NAA16: variants seen among roughly 807,000 people sequenced by gnomAD.
NAA16 encodes the protein NARG1-like protein.
A neutral mutation model predicts 110.3 loss-of-function variants in NAA16; 97 were observed. That is an observed-to-expected ratio of 0.88 (90% CI 0.75 to 1.04). NAA16 has a LOEUF of 1.04. NAA16 is among the 50% of genes least tolerant of loss of function. The probability of loss-of-function intolerance (pLI) is 0.00; values close to 1 mark genes in which losing one functional copy is unlikely to be tolerated. For missense variants in NAA16, 1,017 were observed against 1,005.1 expected (o/e 1.01, Z -0.16); for synonymous variants, 372 against 330.6 (o/e 1.13, Z -1.36).
rs557866793 is a variant in NAA16 at position 41,342,177 on chromosome 13, G to T, written c.1014+5421G>T. Among the ~76,000 whole-genome samples the T allele has an allele frequency of 1.0e-4, 15 of 148,828 alleles. No homozygotes were observed. In the East Asian group the frequency reaches 2.6e-3, roughly 26 times the overall value. The stretch of plus-strand genomic sequence containing the variant: ...TTTTGAGACAGAGTCTTGCTCTGCC[G>T]CCCAGGCTGGAGTGCAGTGGCACGC... On this transcript the variant is annotated intron_variant, in intron 9 of 19. Transcript: ENST00000379406.
At chr13:41,374,718 T>G in intron 18 of NAA16, 24 bp from the exon 19 acceptor site, 1 of 1,496,694 alleles carries the variant, frequency 6.7e-7, no homozygotes, top group East Asian at 2.3e-5. Flanking sequence ...TGTTTATTCA[T>G]TTTGAAATGC....
At chr13:41,353,234 T>C (rs778974989) in intron 9 of NAA16, among the ~76,000 whole-genome samples, 2 of 152,128 alleles carry the variant, frequency 1.3e-5, no homozygotes, top group Non-Finnish European at 2.9e-5. Flanking sequence ...CGCAAGTTCC[T>C]GAAAAAAAAT....
intron 1 of NAA16, among the ~76,000 whole-genome samples, chr13:41,312,789 A>G (rs1266307210): frequency 6.6e-6 from 1 of 152,132 alleles, no homozygotes; most frequent in Non-Finnish European, 1.5e-5. Context: ...TAGATGGGAT[A>G]AAAATTTTAA....
intron 8 of NAA16, 61 bp downstream of exon 8, chr13:41,331,430 T>C (rs1566257416): frequency 1.1e-5 from 14 of 1,233,888 alleles, no homozygotes; most frequent in Non-Finnish European, 1.6e-5. Flanking sequence ...ATGTTATTTA[T>C]ATTTTAGAAA....
intron 12 of NAA16, among the ~76,000 whole-genome samples, chr13:41,359,960 G>A (rs1259834313): frequency 6.6e-6 from 1 of 152,082 alleles, no homozygotes. Context: ...AAGCATAAAA[G>A]AAAAACTGAG....
chr13:41,362,896 G>T, intron 13 of NAA16: 1 of 1,177,444 alleles, frequency 8.5e-7, no homozygotes, highest in Non-Finnish European at 1.1e-6. Flanking sequence ...TCTGCACCGT[G>T]GCAGTCACTT....
At chr13:41,369,491 G>C (rs1289628302) in intron 15 of NAA16, among the ~76,000 whole-genome samples, 1 of 152,196 alleles carries the variant, frequency 6.6e-6, no homozygotes, top group Non-Finnish European at 1.5e-5. Flanking sequence ...GGTAGGCAGA[G>C]TAATGGCCCT....
intron 9 of NAA16, among the ~76,000 whole-genome samples, chr13:41,343,407 G>A (rs1390184326): frequency 2.0e-5 from 3 of 152,124 alleles, no homozygotes; most frequent in African/African-American, 7.2e-5. Flanking sequence ...CATTTTAAAT[G>A]TAATTCCTTT....
At chr13:41,343,511 A>T (rs116609959) in intron 9 of NAA16, among the ~76,000 whole-genome samples, 2,032 of 151,678 alleles carry the variant, frequency 0.013, 40 homozygotes, top group African/African-American at 0.046. Context: ...TCCCCCTAGC[A>T]GTTTCTTTTT....
At chr13:41,315,187 A>G (rs2041775667) in intron 1 of NAA16, among the ~76,000 whole-genome samples, 1 of 152,214 alleles carries the variant, frequency 6.6e-6, no homozygotes, top group Admixed American at 6.5e-5. Flanking sequence ...GTGGGCAAGT[A>G]GGGGACATGT....
At chr13:41,324,629 C>T (rs533189901) in intron 5 of NAA16, among the ~76,000 whole-genome samples, 1 of 151,402 alleles carries the variant, frequency 6.6e-6, no homozygotes, top group East Asian at 1.9e-4. Context: ...GTGCCTCTGC[C>T]TCCCAAAGTG....
chr13:41,316,858 C>T lies in NAA16; in HGVS notation c.67C>T (p.Gln23Ter). ...TATTTCTTTACAGAAATGTTATGAA[C>T]AGAAGCAGTACAAAAATGGCCTCAA... ...LFKRILKCYE[Q>*]KQYKNGLKFC... The change falls in exon 2 of 20, where the codon CAG (glutamine) becomes TAG (stop). Residue 23 changes from glutamine (Q) to a stop codon, truncating the protein, a stop_gained. Coordinates refer to ENST00000379406, the MANE Select transcript of NAA16 (RefSeq NM_024561.5). LOFTEE classifies it high-confidence loss of function. The T allele has an allele frequency of 1.2e-6, 2 of 1,611,816 alleles. No homozygotes were observed. The highest frequency in any genetic ancestry group is 1.7e-6 in the Non-Finnish European group (2 of 1,178,150).
chr13:41,355,194 G>A lies in NAA16; in HGVS notation c.1065G>A (p.Thr355=), dbSNP rs772419749. ...LVTNYEASLK[T]CDFFSPYENG... ...CTAATTATGAAGCCTCTCTTAAAAC[G>A]TGTGACTTTTTTAGCCCATATGGTA... The change falls in exon 10 of 20, where the codon ACG becomes ACA. Residue 355 remains threonine, a synonymous_variant. Transcript: ENST00000379406. The A allele has an allele frequency of 2.1e-5, 33 of 1,587,344 alleles. No individual in the cohort carries two copies. Among genetic ancestry groups the A allele is most frequent in the Middle Eastern group, 3.3e-4 (2 of 6,004 alleles).
chr13:41,369,086 A>G lies in NAA16; in HGVS notation c.1754-4A>G. On this transcript the variant is annotated splice_polypyrimidine_tract_variant and splice_region_variant and intron_variant, in intron 14 of 19. Coordinates refer to ENST00000379406, the MANE Select transcript of NAA16 (RefSeq NM_024561.5). ...CAGAATTTTGTTCATTTGGATATTT[A>G]TAGAAAACTTGTCAGCCAAAGAATT... The G allele has an allele frequency of 1.9e-6, 3 of 1,557,476 alleles. No individual in the cohort carries two copies. The highest frequency in any genetic ancestry group is 1.7e-6 in the Non-Finnish European group (2 of 1,161,732).
In NAA16 at chr13:41,315,898, CAGTT is replaced by C. The variant is rs1271813301; in HGVS notation, c.55-945_55-942del. ...GATCCTCCCACCTCAGCCTCCCAAG[CAGTT>C]AGGACCACAGATGTGCACCACCACG... On this transcript the variant is annotated intron_variant, in intron 1 of 19. Transcript: ENST00000379406. Among the ~76,000 whole-genome samples, 3 of 151,814 alleles carry C rather than the reference CAGTT, an allele frequency of 2.0e-5. No individual in the cohort carries two copies. The East Asian group carries it at 5.8e-4, about 29-fold the overall frequency.
chr13:41,334,930 A>G (rs969403284), intron 8 of NAA16, among the ~76,000 whole-genome samples: 2 of 152,140 alleles, frequency 1.3e-5, no homozygotes, highest in African/African-American at 2.4e-5. Context: ...GCTTTTTGCA[A>G]AAGTGCAGTA....
In NAA16 at chr13:41,369,152, G is replaced by C. The variant is rs2043266056; in HGVS notation, c.1816G>C (p.Ala606Pro). 17 of 1,593,784 alleles carry C rather than the reference G, an allele frequency of 1.1e-5. 1 individual carries two copies. The highest frequency in any genetic ancestry group is 8.5e-6 in the Non-Finnish European group (10 of 1,174,270). ...CAAGCAGAGAAGAGCTCAGAAAAAG[G>C]CTAAACTAGAAGAAGAAAGAAAGCA... ...LSKQRRAQKK[A>P]KLEEERKHAE... The change falls in exon 15 of 20, where the codon GCT (alanine) becomes CCT (proline). Residue 606 changes from alanine (A) to proline (P), a missense_variant. Ala to Pro is a conservative substitution (Grantham distance 27, BLOSUM62 -1). Coordinates refer to ENST00000379406, the MANE Select transcript of NAA16 (RefSeq NM_024561.5).
At chr13:41,360,233 A>G (rs2043084868) in intron 12 of NAA16, among the ~76,000 whole-genome samples, 1 of 152,174 alleles carries the variant, frequency 6.6e-6, no homozygotes. Context: ...AATGCTCCAA[A>G]ACTTGAAACT....
chr13:41,345,238 A>C (rs1377909724), intron 9 of NAA16, among the ~76,000 whole-genome samples: 1 of 152,172 alleles, frequency 6.6e-6, no homozygotes, highest in Admixed American at 6.5e-5. Context: ...TGGTAACTCT[A>C]TGTTTAAACT....
Sources: gnomAD v4.1 joint callset for allele counts (sites outside exome capture counted in the v4.1 genomes callset) on GRCh38, gnomAD v4.1.1 for gene constraint, MANE v1.5 for transcripts, NCBI Gene and HGNC (gene_info 2026-07-23, HGNC 2026-07-21) for gene names.